ROCK1: variants seen among roughly 807,000 people sequenced by gnomAD.
The protein encoded by ROCK1 is Rho associated coiled-coil containing protein kinase 1, also known as rho-associated protein kinase 1.
Under a neutral mutation model 196.8 loss-of-function variants are expected in ROCK1, and 36 were observed. That is an observed-to-expected ratio of 0.18 (90% confidence interval 0.14 to 0.24). The LOEUF (loss-of-function observed/expected upper bound fraction) is 0.24. ROCK1 is among the 10% of genes least tolerant of loss of function. ROCK1 has a pLI of 1.00. For missense variants in ROCK1, 920 were observed against 1,562.0 expected, an observed-to-expected ratio of 0.59 and a Z score of 6.93; for synonymous variants, 443 against 515.9, an observed-to-expected ratio of 0.86 and a Z score of 1.91.
At chr18:21,082,652 A>G (rs2143572136) in intron 1 of ROCK1, among the ~76,000 whole-genome samples, 1 of 152,312 alleles carries the variant, frequency 6.6e-6, no homozygotes, top group East Asian at 1.9e-4. Context: ...AAAACAATCA[A>G]CAAACAGGGA....
chr18:20,961,335 TAAC>T (rs940339577), intron 27 of ROCK1, among the ~76,000 whole-genome samples: 5 of 152,324 alleles, frequency 3.3e-5, no homozygotes, highest in East Asian at 3.9e-4. Context: ...CAGTAACAGT[TAAC>T]AATAGGTAAC....
At chr18:21,033,580 C>T (rs191263765) in intron 9 of ROCK1, among the ~76,000 whole-genome samples, 73 of 151,162 alleles carry the variant, frequency 4.8e-4, no homozygotes, top group Admixed American at 1.1e-3. Context: ...CATAGAAAAC[C>T]CTAAAGGAGC....
At chr18:20,958,893 T>TTATATATATTATATATATAAATATATA (rs1568367050) in intron 29 of ROCK1, among the ~76,000 whole-genome samples, 35 of 26,318 alleles carry the variant, frequency 1.3e-3, no homozygotes, top group Middle Eastern at 0.015. Flanking sequence ...ATATATATAT[T>TTATATATATTATATATATAAATATATA]TATTTATATA....
intron 16 of ROCK1, among the ~76,000 whole-genome samples, chr18:21,001,422 T>C (rs1598523543): frequency 6.6e-6 from 1 of 152,206 alleles, no homozygotes; most frequent in African/African-American, 2.4e-5. Flanking sequence ...AGCTTTTTGT[T>C]ACAAGAATTT....
chr18:21,033,627 A>G (rs1237180269), intron 9 of ROCK1, among the ~76,000 whole-genome samples: 1 of 152,090 alleles, frequency 6.6e-6, no homozygotes, highest in East Asian at 1.9e-4. Context: ...GACAAATTCA[A>G]CAAAATTGCA....
Position 21,006,409 on chromosome 18 carries a change from T to C in ROCK1, c.1827A>G (p.Ile609Met), listed in dbSNP as rs1198594955. 1.2e-6 allele frequency: 2 copies of C among 1,613,502 alleles called. No homozygotes were observed. The highest frequency in any genetic ancestry group is 2.2e-5 in the East Asian group (1 of 44,840). ...TDKDYYQLQAILEAERRDRGH... is the reference protein window; with the variant it reads ...TDKDYYQLQAMLEAERRDRGH... ...CTCTGTCTCTTCGTTCAGCTTCTAATATAGCTTGCAGCTGGTAATAATCTT... is the reference window on the plus strand; with the variant it reads ...CTCTGTCTCTTCGTTCAGCTTCTAACATAGCTTGCAGCTGGTAATAATCTT... The change falls in exon 16 of 33, where the codon ATA (isoleucine) becomes ATG (methionine). Residue 609 changes from isoleucine (I) to methionine (M), a missense_variant. Physicochemically the swap from Ile to Met is conservative, Grantham distance 10. This residue lies in a region of ROCK1 where 520 missense variants were observed against 657.1 expected (regional missense o/e 0.79). Coordinates refer to ENST00000399799, the MANE Select transcript of ROCK1 (RefSeq NM_005406.3).
At chr18:21,027,714 T>C (rs1265522957) in intron 10 of ROCK1, among the ~76,000 whole-genome samples, 1 of 151,410 alleles carries the variant, frequency 6.6e-6, no homozygotes, top group Non-Finnish European at 1.5e-5. Context: ...TACTACATTT[T>C]ATAACACATG....
intron 1 of ROCK1, among the ~76,000 whole-genome samples, chr18:21,076,702 C>G (rs141679790): frequency 2.8e-3 from 289 of 101,722 alleles, no homozygotes; most frequent in East Asian, 0.018. Context: ...CACACACACA[C>G]ACAGAGCCAT....
chr18:21,111,171 G>C lies in ROCK1; in HGVS notation c.-261C>G. ...CGGCAGCCCCTCACGACAGCCGACA[G>C]CGCCGTCGCCACCAGCCTCGTCGCT... is the stretch of plus-strand genomic sequence containing the variant. On this transcript the variant is annotated 5_prime_UTR_variant, in exon 1 of 33. Transcript: ENST00000399799. The surrounding 1 kb of genome is among the most constrained non-coding windows in gnomAD (Gnocchi z 4.2). The C allele has an allele frequency of 1.8e-6, 1 of 546,370 alleles. No homozygotes were observed. 33.8% of individuals were successfully genotyped at this position (546,370 alleles called of 1,614,324 possible). A position where few individuals can be genotyped will look rare whatever the true frequency, so the allele number is the denominator to read the frequency against.
intron 13 of ROCK1, among the ~76,000 whole-genome samples, chr18:21,009,777 T>C (rs1457905955): frequency 6.6e-6 from 1 of 152,198 alleles, no homozygotes; most frequent in Non-Finnish European, 1.5e-5. Flanking sequence ...TTCATGATAG[T>C]TTTAATTTGC....
chr18:21,024,698 T>C lies in ROCK1; in HGVS notation c.1212-1018A>G, dbSNP rs182891159. On this transcript the variant is annotated intron_variant, in intron 10 of 32. Coordinates refer to ENST00000399799, the MANE Select transcript of ROCK1 (RefSeq NM_005406.3). ...TAATCAAGTATCCATTAAGTATCAA[T>C]AAACATACACAGTACAATGGTACTA... 4.7e-3 allele frequency among the ~76,000 whole-genome samples: 713 copies of C among 152,312 alleles called. 7 individuals carry two copies. The highest frequency in any genetic ancestry group is 0.016 in the African/African-American group (677 of 41,564).
chr18:21,029,084 T>C, intron 9 of ROCK1, 149 bp from the exon 10 acceptor site: 1 of 660,694 alleles, frequency 1.5e-6, no homozygotes, highest in Non-Finnish European at 2.6e-6. Flanking sequence ...ACATCAAGCT[T>C]TACCAGGACT....
chr18:20,977,585 C>T (rs2143379526), intron 22 of ROCK1, among the ~76,000 whole-genome samples: 1 of 152,288 alleles, frequency 6.6e-6, no homozygotes, highest in African/African-American at 2.4e-5. Context: ...CCTGAAGAAT[C>T]ATAACTTACT....
At chr18:20,966,841 G>T in intron 27 of ROCK1, 76 bp downstream of exon 27, 1 of 1,217,234 alleles carries the variant, frequency 8.2e-7, no homozygotes, top group Non-Finnish European at 1.2e-6. Flanking sequence ...CAAGGAGGTA[G>T]AAAACCAAAT....
intron 1 of ROCK1, among the ~76,000 whole-genome samples, chr18:21,085,200 T>C (rs762109438): frequency 6.6e-6 from 1 of 152,070 alleles, no homozygotes; most frequent in Non-Finnish European, 1.5e-5. Flanking sequence ...GAATGTGCTT[T>C]AACACCACCA....
At chr18:21,040,241 T>A (rs2036093829) in intron 8 of ROCK1, among the ~76,000 whole-genome samples, 1 of 152,230 alleles carries the variant, frequency 6.6e-6, no homozygotes, top group Non-Finnish European at 1.5e-5. Context: ...TAGGCTTTTT[T>A]TTCCCCAACC....
At chr18:21,019,876 C>T in intron 12 of ROCK1, among the ~76,000 whole-genome samples, 1 of 144,730 alleles carries the variant, frequency 6.9e-6, no homozygotes, top group Non-Finnish European at 1.5e-5. Context: ...ACAAAGTACA[C>T]AATATATTAT....
chr18:21,015,027 G>C (rs1192992002), intron 13 of ROCK1, among the ~76,000 whole-genome samples: 1 of 152,120 alleles, frequency 6.6e-6, no homozygotes, highest in Non-Finnish European at 1.5e-5. Flanking sequence ...TTTTCCATTT[G>C]ATTACATGAG....
Position 21,006,751 on chromosome 18 carries a change from A to C in ROCK1, c.1586T>G (p.Val529Gly). ...LKDQLEDLKK[V>G]SQNSQLANEK... ...ATTAGCAAGCTGTGAATTCTGACTG[A>C]CTTTCTTTAAGTCTTCCAACTGATC... The change falls in exon 15 of 33, where the codon GTC becomes GGC. Residue 529 changes from valine to glycine, a missense_variant. By Grantham distance (109) the Val-to-Gly change is moderately radical. Around this residue, in one of 6 missense-constraint regions of ROCK1, gnomAD observed 520 missense variants for 657.1 expected, o/e 0.79. Coordinates refer to ENST00000399799, the MANE Select transcript of ROCK1 (RefSeq NM_005406.3). The C allele has an allele frequency of 2.5e-6, 4 of 1,606,360 alleles. No homozygotes were observed. In the South Asian group the frequency reaches 4.5e-5, roughly 18 times the overall value.
Sources: gnomAD v4.1 joint callset for allele counts (sites outside exome capture counted in the v4.1 genomes callset) on GRCh38, gnomAD v4.1.1 for gene constraint, gnomAD v4.1.1 regional missense constraint, Gnocchi (gnomAD v3.1) non-coding constraint, MANE v1.5 for transcripts, NCBI Gene and HGNC (gene_info 2026-07-23, HGNC 2026-07-21) for gene names.